ENTREP2: variants seen among roughly 807,000 people sequenced by gnomAD.
The protein encoded by ENTREP2 is endosomal transmembrane epsin interactor 2.
At chr15:29,574,376 C>A in the ENTREP2 span, among the ~76,000 whole-genome samples, 3 of 152,190 alleles carry the variant, frequency 2.0e-5, no homozygotes, top group Non-Finnish European at 2.9e-5. Flanking sequence ...TCACTGCAAC[C>A]TCCACCTCCT....
the ENTREP2 span, among the ~76,000 whole-genome samples, chr15:29,286,063 T>C: frequency 2.6e-5 from 4 of 152,084 alleles, no homozygotes; most frequent in East Asian, 7.7e-4. Context: ...ACTTAAACAA[T>C]CACTACAACA....
At chr15:29,481,916 A>C in the ENTREP2 span, among the ~76,000 whole-genome samples, 6 of 152,172 alleles carry the variant, frequency 3.9e-5, no homozygotes, top group Admixed American at 3.9e-4. Flanking sequence ...GGAGCAAAAA[A>C]GGGCAGAAAG....
the ENTREP2 span, among the ~76,000 whole-genome samples, chr15:29,320,765 C>A: frequency 6.6e-6 from 1 of 152,144 alleles, no homozygotes; most frequent in African/African-American, 2.4e-5. Context: ...CATAAGTAGA[C>A]CAGACACAGC....
At chr15:29,570,382 C>T in the ENTREP2 span, 3 of 514,272 alleles carry the variant, frequency 5.8e-6, no homozygotes, top group Middle Eastern at 6.0e-4. Context: ...GCTGCAGCTA[C>T]TCGGCCCCGG....
At chr15:29,278,182 G>T in the ENTREP2 span, among the ~76,000 whole-genome samples, 4 of 151,910 alleles carry the variant, frequency 2.6e-5, no homozygotes, top group Admixed American at 2.6e-4. Flanking sequence ...TCCAGGACTG[G>T]AGGGTAATCA....
At chr15:29,603,874 G>C in the ENTREP2 span, among the ~76,000 whole-genome samples, 1 of 152,140 alleles carries the variant, frequency 6.6e-6, no homozygotes, top group Admixed American at 6.5e-5. Context: ...CGTGACCTCA[G>C]GTGATCCGCC....
At chr15:29,291,010 T>A in the ENTREP2 span, among the ~76,000 whole-genome samples, 1 of 152,074 alleles carries the variant, frequency 6.6e-6, no homozygotes, top group Non-Finnish European at 1.5e-5. Context: ...TGTGCCTGAG[T>A]CTGGTGAATG....
the ENTREP2 span, among the ~76,000 whole-genome samples, chr15:29,372,379 C>A: frequency 4.6e-5 from 7 of 152,182 alleles, no homozygotes; most frequent in African/African-American, 1.7e-4. Context: ...AAGAATACAG[C>A]ATATAATACA....
the ENTREP2 span, among the ~76,000 whole-genome samples, chr15:29,651,296 T>G: frequency 6.6e-6 from 1 of 152,204 alleles, no homozygotes; most frequent in South Asian, 2.1e-4. Flanking sequence ...AAACTTCACC[T>G]TCAAAACCTC....
chr15:29,360,719 C>G, the ENTREP2 span, among the ~76,000 whole-genome samples: 1 of 152,184 alleles, frequency 6.6e-6, no homozygotes, highest in Non-Finnish European at 1.5e-5. Context: ...ATCCTCTCAC[C>G]CTGACAGCTG....
the ENTREP2 span, among the ~76,000 whole-genome samples, chr15:29,334,210 C>T: frequency 2.6e-5 from 4 of 152,160 alleles, no homozygotes; most frequent in African/African-American, 9.7e-5. Context: ...CAGCAACTTC[C>T]CCGGGACATG....
the ENTREP2 span, among the ~76,000 whole-genome samples, chr15:29,663,429 C>A: frequency 1.3e-5 from 2 of 152,112 alleles, no homozygotes; most frequent in Non-Finnish European, 1.5e-5. Context: ...TTTATTGCAG[C>A]ACTATTCACA....
At chr15:29,573,871 C>G in the ENTREP2 span, among the ~76,000 whole-genome samples, 1 of 152,122 alleles carries the variant, frequency 6.6e-6, no homozygotes, top group Non-Finnish European at 1.5e-5. Context: ...CTATGTTTTA[C>G]AGAATTTTTT....
At chr15:29,366,023 C>T in the ENTREP2 span, among the ~76,000 whole-genome samples, 4 of 152,292 alleles carry the variant, frequency 2.6e-5, no homozygotes, top group South Asian at 4.1e-4. Context: ...TTATCACCTA[C>T]TGGGATAAAA....
chr15:29,429,513 G>A, the ENTREP2 span, among the ~76,000 whole-genome samples: 3 of 152,164 alleles, frequency 2.0e-5, no homozygotes, highest in Non-Finnish European at 4.4e-5. Flanking sequence ...AAGCCACCAT[G>A]GCCAGCCAAT....
chr15:29,653,336 T>A, the ENTREP2 span, among the ~76,000 whole-genome samples: 2 of 152,202 alleles, frequency 1.3e-5, no homozygotes, highest in Admixed American at 1.3e-4. Flanking sequence ...CTTGCTTCTG[T>A]CTCTAACCCT....
chr15:29,596,547 T>A, the ENTREP2 span, among the ~76,000 whole-genome samples: 1 of 152,354 alleles, frequency 6.6e-6, no homozygotes, highest in Non-Finnish European at 1.5e-5. Flanking sequence ...CAAAGATACC[T>A]AAGCCAGCAC....
the ENTREP2 span, among the ~76,000 whole-genome samples, chr15:29,361,709 C>T: frequency 2.6e-5 from 4 of 152,146 alleles, no homozygotes; most frequent in African/African-American, 4.8e-5. Flanking sequence ...TCTGTGCTCA[C>T]GGTGTGCTGA....
At chr15:29,317,568 C>A in the ENTREP2 span, among the ~76,000 whole-genome samples, 1 of 152,136 alleles carries the variant, frequency 6.6e-6, no homozygotes, top group Non-Finnish European at 1.5e-5. Flanking sequence ...ACACGAATCT[C>A]CCATTAAAAT....
Sources: allele counts gnomAD v4.1 joint callset (sites outside exome capture counted in the v4.1 genomes callset), GRCh38; gene constraint gnomAD v4.1.1; transcripts MANE v1.5; gene names NCBI Gene and HGNC (gene_info 2026-07-23, HGNC 2026-07-21).